Variants in EPS8 observed in about 807,000 individuals in gnomAD.
EPS8 encodes EGFR pathway substrate 8, signaling adaptor, also known as epidermal growth factor receptor kinase substrate 8.
Under a neutral mutation model 103.8 loss-of-function variants are expected in EPS8, and 42 were observed. That is an observed-to-expected ratio of 0.40 (90% confidence interval 0.32 to 0.52). The LOEUF (loss-of-function observed/expected upper bound fraction) is 0.52. Among genes scored for constraint, EPS8 ranks in the 20% least tolerant of loss-of-function variants. The pLI is 0.40. For missense variants in EPS8, 969 were observed against 1,005.1 expected, an observed-to-expected ratio of 0.96 and a Z score of 0.49; for synonymous variants, 344 against 344.6, an observed-to-expected ratio of 1.00 and a Z score of 0.02.
rs182849245 is a variant in EPS8, at chr12:15,693,574, A to G, written c.-21-10602T>C. Among the ~76,000 whole-genome samples, 8 of 152,362 alleles carry G rather than the reference A, an allele frequency of 5.3e-5. No homozygotes were observed. Among genetic ancestry groups the G allele is most frequent in the Admixed American group, 1.3e-4 (2 of 15,308 alleles). ...TAGGTTTCAGCATGTAAGGACTTCTAGGTTAATCACAATTATCCACAGGCT... is the reference window on the plus strand; with the variant it reads ...TAGGTTTCAGCATGTAAGGACTTCTGGGTTAATCACAATTATCCACAGGCT... On this transcript the variant is annotated intron_variant, in intron 1 of 20. Coordinates refer to ENST00000281172, the MANE Select transcript of EPS8 (RefSeq NM_004447.6). This position sits in a 1 kb window ranked among gnomAD's most constrained non-coding sequence, Gnocchi z 5.6.
At position 15,626,560 on chromosome 12, in the gene EPS8, C is replaced by T. The variant is rs368811190; in HGVS notation, c.2045-2153G>A. 3.0e-3 allele frequency among the ~76,000 whole-genome samples: 428 copies of T among 143,214 alleles called. 1 individual carries two copies. Among genetic ancestry groups the T allele is most frequent in the Non-Finnish European group, 4.8e-3 (323 of 66,644 alleles). 94.0% of individuals were successfully genotyped at this position (143,214 alleles called of 152,430 possible). On this transcript the variant is annotated intron_variant, in intron 18 of 20. Coordinates refer to ENST00000281172, the MANE Select transcript of EPS8 (RefSeq NM_004447.6). ...AGGAGAATCTCTTGAACCCAGGAGG[C>T]GGAGGTTGCAGTGTGCCAAGATAGC...
At chr12:15,692,345 C>CTATTT (rs1946186996) in intron 1 of EPS8, among the ~76,000 whole-genome samples, 1 of 81,920 alleles carries the variant, frequency 1.2e-5, no homozygotes, top group Non-Finnish European at 2.3e-5. Context: ...TTTTTTTTTG[C>CTATTT]CCCATAATTT....
chr12:15,642,985 G>A (rs1945258323), intron 15 of EPS8, among the ~76,000 whole-genome samples: 1 of 152,080 alleles, frequency 6.6e-6, no homozygotes, highest in African/African-American at 2.4e-5. Context: ...AAGAAAATTG[G>A]TGGAAAAGGT....
chr12:15,722,324 A>ACC (rs374682930), intron 1 of EPS8, among the ~76,000 whole-genome samples: 1 of 150,896 alleles, frequency 6.6e-6, no homozygotes, highest in African/African-American at 2.4e-5. Flanking sequence ...TTAAACAATT[A>ACC]CCCCCCCCAA....
At chr12:15,638,481 C>A (rs1485428867) in intron 17 of EPS8, among the ~76,000 whole-genome samples, 1 of 152,144 alleles carries the variant, frequency 6.6e-6, no homozygotes, top group African/African-American at 2.4e-5. Context: ...GTAGGGCCCT[C>A]AACCTGAACA....
At chr12:15,740,374 G>A (rs1368030426) in intron 1 of EPS8, among the ~76,000 whole-genome samples, 3 of 151,528 alleles carry the variant, frequency 2.0e-5, no homozygotes, top group African/African-American at 2.4e-5. Context: ...GTGAAACCCC[G>A]TCTCTACTAA....
At chr12:15,664,691 G>A (rs1255623544) in intron 8 of EPS8, among the ~76,000 whole-genome samples, 1 of 152,124 alleles carries the variant, frequency 6.6e-6, no homozygotes, top group Non-Finnish European at 1.5e-5. Context: ...TAACTATAGT[G>A]CCAGATACCC....
intron 15 of EPS8, among the ~76,000 whole-genome samples, chr12:15,643,465 C>T (rs1411636549): frequency 2.0e-5 from 3 of 152,020 alleles, no homozygotes; most frequent in Non-Finnish European, 4.4e-5. Flanking sequence ...CTTGGCCAGG[C>T]GTGGTGGTTC....
At chr12:15,744,819 A>T (rs1258315402) in intron 1 of EPS8, among the ~76,000 whole-genome samples, 1 of 152,224 alleles carries the variant, frequency 6.6e-6, no homozygotes, top group Non-Finnish European at 1.5e-5. Flanking sequence ...AAATACTTTT[A>T]AAAGTCTTTT....
At chr12:15,703,701 T>C (rs1946342389) in intron 1 of EPS8, among the ~76,000 whole-genome samples, 1 of 151,096 alleles carries the variant, frequency 6.6e-6, no homozygotes. Flanking sequence ...TTTAAGAAAA[T>C]AACTATGCAG....
chr12:15,765,777 C>A (rs1591928716), intron 1 of EPS8, among the ~76,000 whole-genome samples: 1 of 148,846 alleles, frequency 6.7e-6, no homozygotes, highest in Non-Finnish European at 1.5e-5. Context: ...TGGTTTTTGA[C>A]ACATATCTAC....
Position 15,652,688 on chromosome 12 carries a change from A to G in EPS8, c.1250+1457T>C, listed in dbSNP as rs115536929. On this transcript the variant is annotated intron_variant, in intron 13 of 20. Coordinates refer to ENST00000281172, the MANE Select transcript of EPS8 (RefSeq NM_004447.6). ...ACTATGCTATACTAGTACATAAATA[A>G]TATAAATAAATGTAAATATTTTCAA... Among the ~76,000 whole-genome samples the G allele has an allele frequency of 8.9e-3, 1,359 of 152,302 alleles. 26 individuals are homozygous for G. The highest frequency in any genetic ancestry group is 0.031 in the African/African-American group (1,292 of 41,564).
chr12:15,733,920 G>A lies in EPS8; in HGVS notation c.-21-50948C>T, dbSNP rs1946742427. Among the ~76,000 whole-genome samples, 1 of 152,078 alleles carries A rather than the reference G, an allele frequency of 6.6e-6. No individual in the cohort carries two copies. Among genetic ancestry groups the A allele is most frequent in the Admixed American group, 6.5e-5 (1 of 15,268 alleles). ...GTCACCCAGGCTGGAGTACAGTGAT[G>A]CAATCTCAGCTCACTGCAGCCTTCA... On this transcript the variant is annotated intron_variant, in intron 1 of 20. Transcript: ENST00000281172. This position sits in a 1 kb window ranked among gnomAD's most constrained non-coding sequence, Gnocchi z 4.8.
Position 15,658,251 on chromosome 12 carries a change from G to A in EPS8, c.1027-98C>T. 8.9e-6 allele frequency: 7 copies of A among 784,600 alleles called. 1 individual carries two copies. The highest frequency in any genetic ancestry group is 2.3e-4 in the Middle Eastern group (1 of 4,348). The allele number at this position is 784,600 out of a possible 1,614,324, so 48.6% of individuals were successfully genotyped here. A position where few individuals can be genotyped will look rare whatever the true frequency, so the allele number is the denominator to read the frequency against. ...ACAGAGGGGACGGTCTTTACCACCA[G>A]ATTCAGTTTTAATATATTCTTTAGC... On this transcript the variant is annotated intron_variant, in intron 11 of 20. Transcript: ENST00000281172.
intron 1 of EPS8, among the ~76,000 whole-genome samples, chr12:15,707,202 G>A (rs1486689814): frequency 2.0e-5 from 3 of 152,090 alleles, no homozygotes; most frequent in Non-Finnish European, 4.4e-5. Context: ...TGTATTTCAG[G>A]TCAGGGGTTG....
intron 3 of EPS8, among the ~76,000 whole-genome samples, chr12:15,680,879 G>A (rs930866265): frequency 6.6e-6 from 1 of 151,926 alleles, no homozygotes; most frequent in Non-Finnish European, 1.5e-5. Context: ...TCAGGAAAAC[G>A]TTCTGTCACC....
intron 1 of EPS8, among the ~76,000 whole-genome samples, chr12:15,782,416 A>T (rs942317131): frequency 1.3e-5 from 2 of 152,148 alleles, no homozygotes; most frequent in East Asian, 3.9e-4. Context: ...GGGGAGGATC[A>T]CCTGGGCCTG....
In EPS8 at chr12:15,734,611, G is replaced by A. The variant is rs1249058801; in HGVS notation, c.-21-51639C>T. Reference sequence around the variant, plus strand: ...CGGGAGGCTGAGGCAGGAGAATGGCGTGAACCTGGGAGGCGGACCTTGCAG... The same window carrying A: ...CGGGAGGCTGAGGCAGGAGAATGGCATGAACCTGGGAGGCGGACCTTGCAG... On this transcript the variant is annotated intron_variant, in intron 1 of 20. Coordinates refer to ENST00000281172, the MANE Select transcript of EPS8 (RefSeq NM_004447.6). This position sits in a 1 kb window ranked among gnomAD's most constrained non-coding sequence, Gnocchi z 4.1. 2.0e-5 allele frequency among the ~76,000 whole-genome samples: 3 copies of A among 152,008 alleles called. No individual in the cohort carries two copies. Among genetic ancestry groups the A allele is most frequent in the African/African-American group, 7.2e-5 (3 of 41,386 alleles).
At chr12:15,723,738 C>T (rs182805075) in intron 1 of EPS8, among the ~76,000 whole-genome samples, 101 of 152,254 alleles carry the variant, frequency 6.6e-4, no homozygotes, top group African/African-American at 2.3e-3. Context: ...GTAATCCTTA[C>T]TGTATACCTC....
Sources: gnomAD v4.1 joint callset for allele counts (sites outside exome capture counted in the v4.1 genomes callset) on GRCh38, gnomAD v4.1.1 for gene constraint, Gnocchi (gnomAD v3.1) non-coding constraint, MANE v1.5 for transcripts, NCBI Gene and HGNC (gene_info 2026-07-23, HGNC 2026-07-21) for gene names.